The following CPNE8 variants were observed in gnomAD, a reference collection of about 807,000 sequenced individuals.
The protein encoded by CPNE8 is copine 8, also known as copine-8.
Under a neutral mutation model 81.5 loss-of-function variants are expected in CPNE8, and 45 were observed. The ratio of observed to expected loss-of-function variants is 0.55; its 90% CI spans 0.44 to 0.71. The LOEUF is 0.71. CPNE8 is among the 30% of genes least tolerant of loss of function. The pLI, the probability that CPNE8 is intolerant of heterozygous loss-of-function variation, is 0.00. For synonymous variants in CPNE8, 252 were observed against 226.3 expected, an observed-to-expected ratio of 1.11 and a Z score of -1.02; for missense variants, 594 against 672.1, an observed-to-expected ratio of 0.88 and a Z score of 1.28.
intron 11 of CPNE8, among the ~76,000 whole-genome samples, chr12:38,728,356 C>T (rs1940752846): frequency 1.3e-5 from 2 of 151,938 alleles, no homozygotes; most frequent in South Asian, 4.2e-4. Context: ...GAAACAGTTC[C>T]TTACCTAACA....
intron 19 of CPNE8, among the ~76,000 whole-genome samples, chr12:38,661,977 T>C (rs1052770986): frequency 6.6e-6 from 1 of 151,396 alleles, no homozygotes; most frequent in Admixed American, 6.6e-5. Context: ...ATAAAAATTG[T>C]CTGTAAATTA....
chr12:38,764,317 T>G (rs946470139), intron 8 of CPNE8, among the ~76,000 whole-genome samples: 1 of 152,058 alleles, frequency 6.6e-6, no homozygotes, highest in African/African-American at 2.4e-5. Flanking sequence ...TACCAAAAAA[T>G]TTTTAAGAAA....
chr12:38,745,591 G>A (rs1941209048), intron 10 of CPNE8, among the ~76,000 whole-genome samples: 1 of 152,156 alleles, frequency 6.6e-6, no homozygotes, highest in South Asian at 2.1e-4. Flanking sequence ...CTCCCAGGCT[G>A]GAGTGCAGTG....
chr12:38,675,757 C>G lies in CPNE8; in HGVS notation c.1392G>C (p.Met464Ile), dbSNP rs1010197371. Residue 464 changes from methionine to isoleucine, a missense_variant, in exon 18 of 20, where the codon ATG becomes ATC. Met to Ile is a conservative substitution (Grantham distance 10). Transcript: ENST00000331366. ...ESIVNASKLP[M>I]SIIIVGVGPA... is the part of the protein sequence containing the mutation. ...GTCCAACACCTACTATAATTATTGA[C>G]ATTGGAAGTTTTGAGGCCTTCAAAG... 6.2e-7 allele frequency: 1 copy of G among 1,604,954 alleles called. No individual in the cohort carries two copies. Among genetic ancestry groups the G allele is most frequent in the South Asian group, 1.1e-5 (1 of 90,784 alleles).
intron 19 of CPNE8, among the ~76,000 whole-genome samples, chr12:38,659,115 G>T (rs564744350): frequency 6.6e-6 from 1 of 151,608 alleles, no homozygotes; most frequent in Non-Finnish European, 1.5e-5. Flanking sequence ...AAACTGGATA[G>T]TCAAGACCCA....
chr12:38,814,598 C>G (rs928602061), intron 6 of CPNE8, among the ~76,000 whole-genome samples: 17 of 152,018 alleles, frequency 1.1e-4, no homozygotes, highest in Non-Finnish European at 2.5e-4. Flanking sequence ...TGACTTCCTT[C>G]CCCTATTGAT....
intron 3 of CPNE8, among the ~76,000 whole-genome samples, chr12:38,865,060 C>T (rs1464154178): frequency 6.6e-6 from 1 of 152,078 alleles, no homozygotes; most frequent in Non-Finnish European, 1.5e-5. Context: ...GGTCATTAAG[C>T]CTACCTAAGG....
Position 38,858,778 on chromosome 12 carries a change from A to AT in CPNE8, c.187-10117dup, listed in dbSNP as rs547150203. On this transcript the variant is annotated intron_variant, in intron 3 of 19. Transcript: ENST00000331366. ...CTCAGTTACACTATGAGCAAATGAG[A>AT]TTTTTTTTCCTGTGATACAAGGATG... Among the ~76,000 whole-genome samples the AT allele has an allele frequency of 1.8e-4, 27 of 152,160 alleles. 1 individual carries two copies. The South Asian group carries it at 2.1e-3, about 12-fold the overall frequency.
chr12:38,781,159 C>T (rs1486313445), intron 6 of CPNE8, among the ~76,000 whole-genome samples: 1 of 151,832 alleles, frequency 6.6e-6, no homozygotes, highest in East Asian at 1.9e-4. Context: ...TATTTAAGTA[C>T]TTTATAGTTT....
intron 19 of CPNE8, among the ~76,000 whole-genome samples, chr12:38,666,036 C>T (rs571472749): frequency 1.3e-5 from 2 of 152,126 alleles, no homozygotes; most frequent in East Asian, 1.9e-4. Context: ...TTCTGCTAGG[C>T]GATTTAGCAC....
At chr12:38,739,189 G>A (rs915840916) in intron 10 of CPNE8, among the ~76,000 whole-genome samples, 1 of 152,026 alleles carries the variant, frequency 6.6e-6, no homozygotes. Context: ...TGTCTTATAT[G>A]GTTTTTGAAG....
At chr12:38,686,641 T>C (rs1401726743) in intron 15 of CPNE8, among the ~76,000 whole-genome samples, 3 of 152,204 alleles carry the variant, frequency 2.0e-5, no homozygotes, top group African/African-American at 7.2e-5. Context: ...CGGTGGTTCC[T>C]GAGCAGGATC....
chr12:38,802,686 A>C (rs1208183845), intron 6 of CPNE8, among the ~76,000 whole-genome samples: 2 of 152,042 alleles, frequency 1.3e-5, no homozygotes, highest in African/African-American at 2.4e-5. Flanking sequence ...AATAGAGACA[A>C]AAAACCCTTC....
intron 15 of CPNE8, 189 bp from the exon 16 acceptor site, chr12:38,685,806 T>C (rs1463938618): frequency 1.3e-5 from 6 of 464,130 alleles, no homozygotes; most frequent in Non-Finnish European, 2.3e-5. Context: ...TATGATATAT[T>C]ATGTAGATAA....
chr12:38,738,936 C>T (rs750319593), intron 10 of CPNE8, among the ~76,000 whole-genome samples: 10 of 151,622 alleles, frequency 6.6e-5, no homozygotes, highest in Non-Finnish European at 1.2e-4. Flanking sequence ...GCCTCAGCCT[C>T]CCAAGTAGCT....
intron 6 of CPNE8, among the ~76,000 whole-genome samples, chr12:38,789,438 T>C (rs1303865886): frequency 1.3e-5 from 2 of 151,930 alleles, no homozygotes; most frequent in African/African-American, 2.4e-5. Context: ...TTTTGCTATA[T>C]ACAAAAATCA....
Position 38,864,468 on chromosome 12 carries a change from G to GA in CPNE8, c.186+8535dup, listed in dbSNP as rs531484817. 9.0e-4 allele frequency among the ~76,000 whole-genome samples: 130 copies of GA among 144,830 alleles called. 2 individuals are homozygous for GA. In the South Asian group the frequency reaches 0.023, roughly 26 times the overall value. On this transcript the variant is annotated intron_variant, in intron 3 of 19. Transcript: ENST00000331366. ...TGCCCTAGAAAATCCTAAAGAAGAAGAAAAAAAAAACTACAAAGCTCATGC... is the reference window on the plus strand; with the variant it reads ...TGCCCTAGAAAATCCTAAAGAAGAAGAAAAAAAAAAACTACAAAGCTCATGC...
At chr12:38,902,352 GAA>G (rs759837154) in intron 1 of CPNE8, among the ~76,000 whole-genome samples, 1,061 of 61,214 alleles carry the variant, frequency 0.017, 89 homozygotes, top group African/African-American at 0.091. Flanking sequence ...AAGAAAGAAA[GAA>G]AGAAAGAAAG....
chr12:38,769,916 T>G (rs189156005), intron 7 of CPNE8, among the ~76,000 whole-genome samples: 1 of 152,296 alleles, frequency 6.6e-6, no homozygotes, highest in Admixed American at 6.5e-5. Flanking sequence ...AAAAATAATG[T>G]TCTTGCAATT....
Sources: gnomAD v4.1 joint callset for allele counts (sites outside exome capture counted in the v4.1 genomes callset) on GRCh38, gnomAD v4.1.1 for gene constraint, MANE v1.5 for transcripts, NCBI Gene and HGNC (gene_info 2026-07-23, HGNC 2026-07-21) for gene names.